The following ACVR1 variants were observed in gnomAD, a reference collection of about 807,000 sequenced individuals.
The protein encoded by ACVR1 is activin receptor type-1.
ACVR1 carries 38 observed loss-of-function variants against 57.1 expected under a neutral mutation model. The observed-to-expected ratio is 0.67, with a 90% CI of 0.51 to 0.87. The LOEUF (loss-of-function observed/expected upper bound fraction) is 0.87, where lower values mean the gene tolerates loss of function less well. Among genes scored for constraint, ACVR1 ranks in the 40% least tolerant of loss-of-function variants. ACVR1 has a pLI of 0.00. For synonymous variants in ACVR1, 212 were observed against 228.1 expected (o/e 0.93, Z 0.63); for missense variants, 463 against 638.2 (o/e 0.73, Z 2.96).
At position 157,778,191 on chromosome 2, in the gene ACVR1, G is replaced by A. The variant is rs766295467; in HGVS notation, c.483C>T (p.Asp161=). The change falls in exon 5 of 11, where the codon GAC becomes GAT. Residue 161 remains aspartate (D), a synonymous_variant. Coordinates refer to ENST00000434821, the MANE Select transcript of ACVR1 (RefSeq NM_001111067.4). ...GCCCTTCGATAGTGCCATACTCCAC[G>A]TCTCGGGGATTGAGGCGTTCTTGGT... The part of the protein sequence containing the change: ...RRNQERLNPR[D]VEYGTIEGLI... 1.4e-5 allele frequency: 22 copies of A among 1,613,968 alleles called. No homozygotes were observed. The Admixed American group carries it at 2.0e-4, about 15-fold the overall frequency.
At chr2:157,811,388 C>CT (rs1687748270) in intron 2 of ACVR1, among the ~76,000 whole-genome samples, 1 of 152,144 alleles carries the variant, frequency 6.6e-6, no homozygotes, top group Non-Finnish European at 1.5e-5. Context: ...CTATTCTTTC[C>CT]TTATTACCCT....
At chr2:157,775,059 C>T (rs1056250427) in intron 5 of ACVR1, among the ~76,000 whole-genome samples, 12 of 152,232 alleles carry the variant, frequency 7.9e-5, no homozygotes, top group South Asian at 6.2e-4. Context: ...TGATTTGTAA[C>T]GAAAAGACTC....
rs552727071 is a variant in ACVR1 at position 157,737,206 on chromosome 2, T to C, written c.*325A>G. On this transcript the variant is annotated 3_prime_UTR_variant, in exon 11 of 11. Transcript: ENST00000434821. ...GTGTCTAGGAGACTTGTGAAAGCTA[T>C]GCAAAGCCACTGACTTAATGCCCAG... is the stretch of plus-strand genomic sequence containing the variant. 2.5e-5 allele frequency: 11 copies of C among 445,754 alleles called. No individual in the cohort carries two copies. Among genetic ancestry groups the C allele is most frequent in the South Asian group, 2.0e-4 (9 of 45,032 alleles). 27.6% of individuals were successfully genotyped at this position (445,754 alleles called of 1,614,324 possible).
chr2:157,810,399 AG>A (rs1244993659), intron 2 of ACVR1, among the ~76,000 whole-genome samples: 1 of 152,212 alleles, frequency 6.6e-6, no homozygotes, highest in East Asian at 1.9e-4. Context: ...CCAGTGTGCC[AG>A]GCCCCATTCC....
intron 1 of ACVR1, among the ~76,000 whole-genome samples, chr2:157,822,035 T>G (rs1688180173): frequency 6.6e-6 from 1 of 152,222 alleles, no homozygotes; most frequent in Admixed American, 6.5e-5. Context: ...CCTTGGCTTC[T>G]AGAAACTGTG....
At chr2:157,827,751 TG>T (rs1340210491) in intron 1 of ACVR1, among the ~76,000 whole-genome samples, 1 of 152,176 alleles carries the variant, frequency 6.6e-6, no homozygotes, top group African/African-American at 2.4e-5. Context: ...ATCGTCTCTA[TG>T]GGACTGAGCA....
At chr2:157,820,170 G>A (rs574220344) in intron 1 of ACVR1, among the ~76,000 whole-genome samples, 1 of 152,280 alleles carries the variant, frequency 6.6e-6, no homozygotes, top group African/African-American at 2.4e-5. Context: ...GTAAGAATAA[G>A]ACATGTAAAA....
chr2:157,873,220 T>C (rs1574174476), intron 1 of ACVR1, among the ~76,000 whole-genome samples: 2 of 152,254 alleles, frequency 1.3e-5, no homozygotes, highest in Admixed American at 1.3e-4. Flanking sequence ...AGAACATGAG[T>C]TCTGAAGTCC....
chr2:157,833,514 A>G (rs1250614736), intron 1 of ACVR1, among the ~76,000 whole-genome samples: 4 of 152,228 alleles, frequency 2.6e-5, no homozygotes, highest in Admixed American at 1.3e-4. Flanking sequence ...AACAGTTAAT[A>G]CTTTCAGGAT....
intron 9 of ACVR1, among the ~76,000 whole-genome samples, chr2:157,751,668 G>A (rs1238125734): frequency 6.6e-6 from 1 of 152,146 alleles, no homozygotes; most frequent in African/African-American, 2.4e-5. Context: ...ACTGGGTAAG[G>A]CCTATAACTG....
At chr2:157,770,856 A>C (rs1686047650) in intron 6 of ACVR1, among the ~76,000 whole-genome samples, 1 of 152,210 alleles carries the variant, frequency 6.6e-6, no homozygotes, top group Non-Finnish European at 1.5e-5. Flanking sequence ...AAAACACATG[A>C]AAGTAAAACT....
intron 7 of ACVR1, among the ~76,000 whole-genome samples, chr2:157,769,679 T>C (rs747437483): frequency 6.6e-6 from 1 of 152,192 alleles, no homozygotes; most frequent in Admixed American, 6.5e-5. Context: ...TTAAATTCTA[T>C]ATAAACTTTA....
At chr2:157,854,811 G>T (rs1203967629) in intron 1 of ACVR1, among the ~76,000 whole-genome samples, 1 of 151,984 alleles carries the variant, frequency 6.6e-6, no homozygotes, top group African/African-American at 2.4e-5. Context: ...AGGCTGAGGT[G>T]TGTGGATCAC....
At chr2:157,816,603 G>GTAATAA (rs35068721) in intron 2 of ACVR1, among the ~76,000 whole-genome samples, 123 of 150,468 alleles carry the variant, frequency 8.2e-4, no homozygotes, top group Middle Eastern at 3.4e-3. Flanking sequence ...CCTCAAAATA[G>GTAATAA]TAATAATAAT....
At chr2:157,819,327 A>G (rs1688069579) in intron 1 of ACVR1, 1 of 151,992 alleles carries the variant, frequency 6.6e-6, no homozygotes, top group Admixed American at 6.6e-5. Flanking sequence ...CTAAAAATAC[A>G]AAATTAGCTG....
intron 3 of ACVR1, among the ~76,000 whole-genome samples, chr2:157,793,233 T>C (rs944626137): frequency 1.1e-4 from 17 of 152,186 alleles, no homozygotes; most frequent in African/African-American, 4.1e-4. Flanking sequence ...GGAAATCATT[T>C]CATGAGCTTA....
chr2:157,806,444 G>A (rs568550491), intron 2 of ACVR1, among the ~76,000 whole-genome samples: 21 of 152,214 alleles, frequency 1.4e-4, no homozygotes, highest in South Asian at 6.2e-4. Flanking sequence ...AAATAAAAAC[G>A]GAAATTAGTG....
At chr2:157,797,468 A>G (rs1378058256) in intron 3 of ACVR1, among the ~76,000 whole-genome samples, 1 of 152,230 alleles carries the variant, frequency 6.6e-6, no homozygotes, top group Non-Finnish European at 1.5e-5. Context: ...CTCTTCATGG[A>G]GGAACACTTG....
chr2:157,736,835 A>C lies in ACVR1; in HGVS notation c.*696T>G. ...TAAGACCACATAAAAATAAGCTTTAACATATGCACAAAGCAGTTTTGTAAA... is the reference window on the plus strand; with the variant it reads ...TAAGACCACATAAAAATAAGCTTTACCATATGCACAAAGCAGTTTTGTAAA... On this transcript the variant is annotated 3_prime_UTR_variant, in exon 11 of 11. Transcript: ENST00000434821. 2.9e-6 allele frequency: 1 copy of C among 340,934 alleles called. No homozygotes were observed. The highest frequency in any genetic ancestry group is 3.9e-5 in the East Asian group (1 of 25,864). 21.1% of individuals were successfully genotyped at this position (340,934 alleles called of 1,614,324 possible).
Sources: gnomAD v4.1 joint callset for allele counts (sites outside exome capture counted in the v4.1 genomes callset) on GRCh38, gnomAD v4.1.1 for gene constraint, MANE v1.5 for transcripts, NCBI Gene and HGNC (gene_info 2026-07-23, HGNC 2026-07-21) for gene names.